RANBP10: variants seen among roughly 807,000 people sequenced by gnomAD.
RANBP10 encodes ran-binding protein 10.
In RANBP10, 24 loss-of-function variants were observed where a neutral mutation model predicts 72.8. The ratio of observed to expected loss-of-function variants is 0.33; its 90% CI spans 0.24 to 0.46. RANBP10 has a LOEUF of 0.46. RANBP10 is among the 20% of genes least tolerant of loss of function. The probability of loss-of-function intolerance (pLI) is 1.00; values close to 1 mark genes in which losing one functional copy is unlikely to be tolerated. For missense variants in RANBP10, 679 were observed against 817.5 expected, an observed-to-expected ratio of 0.83 and a Z score of 2.07; for synonymous variants, 310 against 322.3, an observed-to-expected ratio of 0.96 and a Z score of 0.41.
chr16:67,791,409 A>G (rs889777658), intron 2 of RANBP10, among the ~76,000 whole-genome samples: 1 of 152,182 alleles, frequency 6.6e-6, no homozygotes, highest in Non-Finnish European at 1.5e-5. Context: ...ACAGGAGCCA[A>G]TGGGGCTCGA....
At chr16:67,799,442 C>A (rs1255537444) in intron 2 of RANBP10, among the ~76,000 whole-genome samples, 4 of 151,862 alleles carry the variant, frequency 2.6e-5, no homozygotes, top group African/African-American at 9.7e-5. Context: ...CGCCCGCCAC[C>A]ATGCCTGGCT....
intron 2 of RANBP10, among the ~76,000 whole-genome samples, chr16:67,798,986 C>T (rs1418624913): frequency 1.3e-5 from 2 of 152,140 alleles, no homozygotes; most frequent in Non-Finnish European, 2.9e-5. Flanking sequence ...AGAGCAGTGG[C>T]GTGATCTCGG....
chr16:67,732,054 C>T (rs1278621787), intron 6 of RANBP10, among the ~76,000 whole-genome samples: 4 of 152,174 alleles, frequency 2.6e-5, no homozygotes, highest in African/African-American at 9.6e-5. Flanking sequence ...GACACAGGAG[C>T]CCCTCTGCAG....
chr16:67,730,124 C>T lies in RANBP10; in HGVS notation c.890-78G>A, dbSNP rs761504311. 3.2e-5 allele frequency: 44 copies of T among 1,385,234 alleles called. No individual in the cohort carries two copies. The highest frequency in any genetic ancestry group is 4.2e-5 in the Non-Finnish European group (42 of 991,274). 85.8% of individuals were successfully genotyped at this position (1,385,234 alleles called of 1,614,324 possible). On this transcript the variant is annotated intron_variant, in intron 7 of 13. Coordinates refer to ENST00000317506, the MANE Select transcript of RANBP10 (RefSeq NM_020850.3). The surrounding 1 kb of genome is among the most constrained non-coding windows in gnomAD (Gnocchi z 4.3). ...GCCACACACCTGGGATGCTGCCAGC[C>T]TCAGGGTAGGGTCCGGCTCAGAGTG...
chr16:67,743,319 C>T (rs1210069288), intron 4 of RANBP10, among the ~76,000 whole-genome samples: 1 of 152,214 alleles, frequency 6.6e-6, no homozygotes, highest in East Asian at 1.9e-4. Context: ...TCTGCCAGTC[C>T]TCTCCTCACT....
In RANBP10 at chr16:67,774,602, A is replaced by G. The variant is rs369306728; in HGVS notation, c.348-2516T>C. Among the ~76,000 whole-genome samples the G allele has an allele frequency of 4.3e-4, 66 of 152,308 alleles. 1 individual carries two copies. In the East Asian group the frequency reaches 0.012, roughly 28 times the overall value. On this transcript the variant is annotated intron_variant, in intron 2 of 13. Coordinates refer to ENST00000317506, the MANE Select transcript of RANBP10 (RefSeq NM_020850.3). ...TGAGTGGACTGTCTAAGGGGAGAGCAGCCAGAGGAAGCTGACACCCACATT... is the reference window on the plus strand; with the variant it reads ...TGAGTGGACTGTCTAAGGGGAGAGCGGCCAGAGGAAGCTGACACCCACATT...
chr16:67,745,344 A>G (rs963518414), intron 3 of RANBP10, among the ~76,000 whole-genome samples: 3 of 149,476 alleles, frequency 2.0e-5, no homozygotes, highest in African/African-American at 7.4e-5. Context: ...TTATTTATCT[A>G]TTTTTTTTGA....
chr16:67,731,293 C>G, intron 7 of RANBP10, 179 bp downstream of exon 7: 1 of 568,290 alleles, frequency 1.8e-6, no homozygotes, highest in Non-Finnish European at 3.2e-6. Flanking sequence ...ATCCTGCCAA[C>G]TGTCCATCTG....
intron 3 of RANBP10, among the ~76,000 whole-genome samples, chr16:67,751,867 A>T (rs2054203512): frequency 6.6e-6 from 1 of 152,066 alleles, no homozygotes; most frequent in African/African-American, 2.4e-5. Context: ...AGTGAGCTGA[A>T]ATCGCGCCAC....
At chr16:67,727,558 G>T (rs540075944) in intron 12 of RANBP10, 120 bp from the exon 13 acceptor site, 2 of 1,313,860 alleles carry the variant, frequency 1.5e-6, no homozygotes, top group Non-Finnish European at 2.1e-6. Flanking sequence ...GGGGTGTAGG[G>T]TCGGGCAGGG....
At chr16:67,798,901 T>C (rs531145049) in intron 2 of RANBP10, among the ~76,000 whole-genome samples, 1 of 152,162 alleles carries the variant, frequency 6.6e-6, no homozygotes, top group South Asian at 2.1e-4. Flanking sequence ...CAGCCCACGC[T>C]CCCTGGCCAC....
At chr16:67,757,390 T>G (rs530097880) in intron 3 of RANBP10, among the ~76,000 whole-genome samples, 27 of 152,298 alleles carry the variant, frequency 1.8e-4, no homozygotes, top group African/African-American at 6.5e-4. Context: ...AATCTAACCC[T>G]TGCAGCGCCA....
At chr16:67,790,330 C>T (rs2055000770) in intron 2 of RANBP10, among the ~76,000 whole-genome samples, 2 of 151,602 alleles carry the variant, frequency 1.3e-5, no homozygotes, top group African/African-American at 2.4e-5. Flanking sequence ...TTAATGGGTA[C>T]AGAGTTTCTG....
chr16:67,790,778 C>T (rs1181588056), intron 2 of RANBP10, among the ~76,000 whole-genome samples: 1 of 151,800 alleles, frequency 6.6e-6, no homozygotes, highest in Non-Finnish European at 1.5e-5. Flanking sequence ...TGGCTCACTG[C>T]AACCTCCGCC....
At chr16:67,733,640 C>T (rs1014657479) in intron 6 of RANBP10, among the ~76,000 whole-genome samples, 1 of 152,148 alleles carries the variant, frequency 6.6e-6, no homozygotes, top group Non-Finnish European at 1.5e-5. Flanking sequence ...TACATATGAA[C>T]ACATACAAGC....
intron 5 of RANBP10, among the ~76,000 whole-genome samples, chr16:67,735,969 T>G (rs890099087): frequency 2.5e-4 from 38 of 152,192 alleles, no homozygotes; most frequent in African/African-American, 9.1e-4. Flanking sequence ...TGAGGCTCCC[T>G]GCTTTCCACC....
intron 2 of RANBP10, among the ~76,000 whole-genome samples, chr16:67,788,386 G>A (rs922291070): frequency 6.6e-6 from 1 of 151,490 alleles, no homozygotes; most frequent in Non-Finnish European, 1.5e-5. Context: ...TCGAGTAGCT[G>A]GGACTATAGG....
At chr16:67,757,882 A>C (rs1197352096) in intron 3 of RANBP10, among the ~76,000 whole-genome samples, 1 of 152,106 alleles carries the variant, frequency 6.6e-6, no homozygotes, top group African/African-American at 2.4e-5. Context: ...TCTTCTCTTC[A>C]TGGTAGCTCA....
intron 6 of RANBP10, 89 bp downstream of exon 6, chr16:67,734,769 G>A: frequency 1.5e-6 from 2 of 1,299,488 alleles, no homozygotes; most frequent in Non-Finnish European, 2.0e-6. Context: ...GCTGGAATTT[G>A]TAAGAACAGC....
Sources: gnomAD v4.1 joint callset for allele counts (sites outside exome capture counted in the v4.1 genomes callset) on GRCh38, gnomAD v4.1.1 for gene constraint, Gnocchi (gnomAD v3.1) non-coding constraint, MANE v1.5 for transcripts, NCBI Gene and HGNC (gene_info 2026-07-23, HGNC 2026-07-21) for gene names.